RIN2: variants seen among roughly 807,000 people sequenced by gnomAD.
RIN2 encodes Ras and Rab interactor 2, also known as RAB5 interacting protein 2.
A neutral mutation model predicts 78.0 loss-of-function variants in RIN2; 36 were observed. The observed-to-expected ratio is 0.46, with a 90% confidence interval of 0.35 to 0.61. RIN2 has a LOEUF of 0.61. RIN2 is among the 20% of genes least tolerant of loss of function. The pLI is 0.00. For missense variants in RIN2, 1,087 were observed against 1,159.7 expected, an observed-to-expected ratio of 0.94 and a Z score of 0.91; for synonymous variants, 466 against 466.8, an observed-to-expected ratio of 1.00 and a Z score of 0.02.
At chr20:19,844,015 C>A (rs936907106) in intron 2 of RIN2, among the ~76,000 whole-genome samples, 1 of 152,068 alleles carries the variant, frequency 6.6e-6, no homozygotes, top group Non-Finnish European at 1.5e-5. Flanking sequence ...AGTACAAATA[C>A]CTTCAGTGGG....
intron 11 of RIN2, among the ~76,000 whole-genome samples, chr20:19,996,249 G>A (rs987711169): frequency 3.3e-5 from 5 of 152,194 alleles, no homozygotes; most frequent in African/African-American, 1.2e-4. Context: ...GGGAGGCGGA[G>A]GTTGCAGTGA....
intron 2 of RIN2, among the ~76,000 whole-genome samples, chr20:19,817,586 G>A (rs1485357187): frequency 6.6e-6 from 1 of 152,222 alleles, no homozygotes; most frequent in Admixed American, 6.5e-5. Flanking sequence ...TGACTCTAAG[G>A]AGAGGGAAGT....
At chr20:19,779,758 C>A (rs1262426618) in intron 1 of RIN2, among the ~76,000 whole-genome samples, 1 of 152,148 alleles carries the variant, frequency 6.6e-6, no homozygotes, top group Non-Finnish European at 1.5e-5. Context: ...TCTAGTCATG[C>A]CATGGCTTTC....
At chr20:19,999,579 C>G (rs2281356) in intron 12 of RIN2, among the ~76,000 whole-genome samples, 26,633 of 152,156 alleles carry the variant, frequency 0.18, 3,904 homozygotes, top group East Asian at 0.61. Context: ...ATTTAACTGG[C>G]TGTTCTAGAT....
intron 7 of RIN2, among the ~76,000 whole-genome samples, chr20:19,968,488 CAT>C (rs1364505516): frequency 6.6e-6 from 1 of 151,950 alleles, no homozygotes; most frequent in African/African-American, 2.4e-5. Flanking sequence ...TGTGTGTGTG[CAT>C]GTGTGTGTGA....
chr20:19,937,081 A>G (rs779219766), intron 4 of RIN2, among the ~76,000 whole-genome samples: 6 of 152,228 alleles, frequency 3.9e-5, no homozygotes, highest in South Asian at 2.1e-4. Context: ...TGCTGTGGGG[A>G]AAAAGCTACA....
Position 19,975,658 on chromosome 20 carries a change from G to C in RIN2, c.1633G>C (p.Glu545Gln). 1 of 1,613,734 alleles carries C rather than the reference G, an allele frequency of 6.2e-7. No homozygotes were observed. Among genetic ancestry groups the C allele is most frequent in the Non-Finnish European group, 8.5e-7 (1 of 1,179,892 alleles). ...CGTGAGCTTCCTGCAGGAGAACAAG[G>C]AGTGCCACGTGTCCAGCACCGACAT... ...DYVSFLQENK[E>Q]CHVSSTDMLQ... Residue 545 changes from glutamate to glutamine, a missense_variant, in exon 9 of 13, where the codon GAG (glutamate) becomes CAG (glutamine). Coordinates refer to ENST00000255006, the MANE Select transcript of RIN2 (RefSeq NM_018993.4). This position sits in a 1 kb window ranked among gnomAD's most constrained non-coding sequence, Gnocchi z 4.9.
chr20:19,859,287 G>A (rs1367621682), intron 2 of RIN2, among the ~76,000 whole-genome samples: 1 of 152,244 alleles, frequency 6.6e-6, no homozygotes, highest in African/African-American at 2.4e-5. Context: ...GGGAAAGGGA[G>A]TATGGTGTAA....
chr20:19,918,166 G>A (rs767656222), intron 3 of RIN2, among the ~76,000 whole-genome samples: 80 of 152,226 alleles, frequency 5.3e-4, no homozygotes, highest in Admixed American at 1.6e-3. Flanking sequence ...CAGCTGGGGG[G>A]ACACCAAGTT....
At chr20:19,877,219 C>T (rs1317376717) in intron 2 of RIN2, among the ~76,000 whole-genome samples, 1 of 152,190 alleles carries the variant, frequency 6.6e-6, no homozygotes, top group Non-Finnish European at 1.5e-5. Flanking sequence ...GGGTGATTCT[C>T]AGGCATGTTA....
chr20:19,970,771 G>T lies in RIN2; in HGVS notation c.537-67G>T, dbSNP rs1568680322. 13 of 1,263,176 alleles carry T rather than the reference G, an allele frequency of 1.0e-5. No individual in the cohort carries two copies. In the East Asian group the frequency reaches 2.9e-4, roughly 28 times the overall value. 78.2% of individuals were successfully genotyped at this position (1,263,176 alleles called of 1,614,324 possible). The stretch of plus-strand genomic sequence containing the variant: ...GTTTAAGCTAAAACATCTCTATGAT[G>T]AAAATAAACACAAGATAGAAAGCAG... On this transcript the variant is annotated intron_variant, in intron 7 of 12. Transcript: ENST00000255006.
In RIN2 at chr20:19,913,535, AC is replaced by A. The variant is rs1310939455; in HGVS notation, c.58-21563del. Among the ~76,000 whole-genome samples, 15 of 151,898 alleles carry A rather than the reference AC, an allele frequency of 9.9e-5. No homozygotes were observed. In the South Asian group the frequency reaches 1.5e-3, roughly 15 times the overall value. ...ACCATCACCACCATCCATTTCCAGA[AC>A]TCCTTTCATCTTGCAGAATTGAAAC... is the stretch of plus-strand genomic sequence containing the variant. On this transcript the variant is annotated intron_variant, in intron 3 of 12. Coordinates refer to ENST00000255006, the MANE Select transcript of RIN2 (RefSeq NM_018993.4).
At chr20:19,797,659 A>ATCTG (rs1366104520) in intron 1 of RIN2, among the ~76,000 whole-genome samples, 1 of 152,178 alleles carries the variant, frequency 6.6e-6, no homozygotes, top group African/African-American at 2.4e-5. Flanking sequence ...GAGTAGTCCT[A>ATCTG]TCTGTGTGTG....
rs140319859 is a variant in RIN2, at chr20:19,792,704, G to A, written c.-162-6918G>A. Among the ~76,000 whole-genome samples, 286 of 152,294 alleles carry A rather than the reference G, an allele frequency of 1.9e-3. 1 individual carries two copies. The highest frequency in any genetic ancestry group is 6.3e-3 in the African/African-American group (262 of 41,552). On this transcript the variant is annotated intron_variant, in intron 1 of 12. Transcript: ENST00000255006. The stretch of plus-strand genomic sequence containing the variant: ...GGTTTGCCACTGACCAGCACATAGC[G>A]TTAAGCAGGTTACCTCACCTCTTCC...
chr20:19,893,751 G>A (rs1440436608), intron 3 of RIN2, among the ~76,000 whole-genome samples: 1 of 152,130 alleles, frequency 6.6e-6, no homozygotes, highest in Non-Finnish European at 1.5e-5. Flanking sequence ...AACCATCTGG[G>A]AAAAGTGGTA....
At chr20:19,935,850 T>G (rs1238263932) in intron 4 of RIN2, among the ~76,000 whole-genome samples, 7 of 152,196 alleles carry the variant, frequency 4.6e-5, no homozygotes, top group African/African-American at 1.7e-4. Flanking sequence ...TTCTTCCAAC[T>G]TTGATGCTAA....
chr20:19,868,022 C>A (rs1330022890), intron 2 of RIN2, among the ~76,000 whole-genome samples: 1 of 152,240 alleles, frequency 6.6e-6, no homozygotes, highest in African/African-American at 2.4e-5. Flanking sequence ...TGGCGTGGGG[C>A]ATGCTGGTGC....
intron 5 of RIN2, among the ~76,000 whole-genome samples, chr20:19,960,348 A>G (rs935635341): frequency 2.6e-5 from 4 of 152,208 alleles, no homozygotes; most frequent in Non-Finnish European, 5.9e-5. Flanking sequence ...ACCAAGATAT[A>G]TAAGACAGGG....
intron 2 of RIN2, among the ~76,000 whole-genome samples, chr20:19,866,892 TGG>T (rs2037526744): frequency 6.6e-6 from 1 of 152,222 alleles, no homozygotes; most frequent in African/African-American, 2.4e-5. Flanking sequence ...CCCAAAGTGC[TGG>T]GATTACAGGA....
Sources: allele counts gnomAD v4.1 joint callset (sites outside exome capture counted in the v4.1 genomes callset), GRCh38; gene constraint gnomAD v4.1.1; non-coding constraint Gnocchi (gnomAD v3.1); transcripts MANE v1.5; gene names NCBI Gene and HGNC (gene_info 2026-07-23, HGNC 2026-07-21).